Variants in MAGI3 observed in about 807,000 individuals in gnomAD.
MAGI3 encodes the protein membrane associated guanylate kinase, WW and PDZ domain containing 3.
Under a neutral mutation model 121.8 loss-of-function variants are expected in MAGI3, and 43 were observed. The ratio of observed to expected loss-of-function variants is 0.35; its 90% CI spans 0.28 to 0.46. The LOEUF (loss-of-function observed/expected upper bound fraction) is 0.46. Among genes scored for constraint, MAGI3 ranks in the 20% least tolerant of loss-of-function variants. The pLI is 1.00. For missense variants in MAGI3, 1,547 were observed against 1,797.3 expected (o/e 0.86, Z 2.52); for synonymous variants, 553 against 639.3 (o/e 0.86, Z 2.04).
intron 13 of MAGI3, 94 bp downstream of exon 13, chr1:113,649,422 T>C: frequency 1.4e-6 from 1 of 721,462 alleles, no homozygotes; most frequent in South Asian, 2.3e-5. Context: ...TTTTTTTTTC[T>C]CTGACAGTTT....
chr1:113,515,880 A>C lies in MAGI3; in HGVS notation c.317-33635A>C, dbSNP rs933003590. On this transcript the variant is annotated intron_variant, in intron 1 of 20. Transcript: ENST00000307546. ...TCATTCCACAGAGGTAGGCATGTGC[A>C]GGTTGTTGAATTGTACTATTATAGA... is the stretch of plus-strand genomic sequence containing the variant. Among the ~76,000 whole-genome samples, 12 of 152,090 alleles carry C rather than the reference A, an allele frequency of 7.9e-5. 1 individual carries two copies. The highest frequency in any genetic ancestry group is 1.5e-4 in the Non-Finnish European group (10 of 67,966).
intron 1 of MAGI3, among the ~76,000 whole-genome samples, chr1:113,405,690 A>G (rs1036306256): frequency 6.6e-6 from 1 of 152,050 alleles, no homozygotes; most frequent in Admixed American, 6.6e-5. Flanking sequence ...TGCAGACTGT[A>G]GATCTGGACT....
At chr1:113,639,319 T>C (rs374671352) in intron 9 of MAGI3, among the ~76,000 whole-genome samples, 10 of 152,376 alleles carry the variant, frequency 6.6e-5, no homozygotes, top group East Asian at 5.8e-4. Context: ...TCACCCATCT[T>C]CTGCGTCGCT....
intron 1 of MAGI3, among the ~76,000 whole-genome samples, chr1:113,437,889 T>TC (rs1557757258): frequency 0.011 from 41 of 3,658 alleles, no homozygotes; most frequent in Non-Finnish European, 0.025. Context: ...TCCTTCTCCT[T>TC]CTCCTTCTCC....
chr1:113,525,114 G>C (rs1658391869), intron 1 of MAGI3, among the ~76,000 whole-genome samples: 1 of 152,188 alleles, frequency 6.6e-6, no homozygotes, highest in Non-Finnish European at 1.5e-5. Flanking sequence ...GTGGAACTGT[G>C]AGTCCATTAA....
At chr1:113,680,754 C>G (rs1258754516) in intron 19 of MAGI3, among the ~76,000 whole-genome samples, 2 of 152,046 alleles carry the variant, frequency 1.3e-5, no homozygotes, top group Non-Finnish European at 2.9e-5. Flanking sequence ...AAGACTCCGT[C>G]TCAAAAAGCA....
chr1:113,671,685 A>C (rs2101020701), intron 16 of MAGI3, 49 bp from the exon 17 acceptor site: 1 of 1,585,250 alleles, frequency 6.3e-7, no homozygotes, highest in South Asian at 1.1e-5. Context: ...CTTGGCCTTC[A>C]CATTTTTATG....
At chr1:113,654,462 T>C (rs916353614) in intron 15 of MAGI3, among the ~76,000 whole-genome samples, 3 of 152,210 alleles carry the variant, frequency 2.0e-5, no homozygotes, top group Non-Finnish European at 4.4e-5. Flanking sequence ...ATATTTTATG[T>C]TATTATTTAA....
At chr1:113,682,125 A>T in intron 20 of MAGI3, 2 of 1,444,984 alleles carry the variant, frequency 1.4e-6, no homozygotes, top group East Asian at 2.3e-5. Flanking sequence ...CTTGTAAATC[A>T]TATGTTCCCA....
At chr1:113,678,663 A>G (rs1303261949) in intron 19 of MAGI3, among the ~76,000 whole-genome samples, 2 of 152,188 alleles carry the variant, frequency 1.3e-5, no homozygotes, top group Admixed American at 6.5e-5. Flanking sequence ...TTGAAAACTA[A>G]TATTTGCACT....
rs1182041180 is a variant in MAGI3 at position 113,619,582 on chromosome 1, C to T, written c.1077-154C>T. Among the ~76,000 whole-genome samples the T allele has an allele frequency of 2.6e-5, 4 of 152,222 alleles. No individual in the cohort carries two copies. In the East Asian group the frequency reaches 7.7e-4, roughly 29 times the overall value. On this transcript the variant is annotated intron_variant, in intron 7 of 20. Transcript: ENST00000307546. ...GGACTTTATTTAGCAGCAGAAAGCC[C>T]CTCTGCTATCATCTATCAGTCTCTC...
intron 1 of MAGI3, among the ~76,000 whole-genome samples, chr1:113,495,285 T>A (rs1044921129): frequency 6.6e-6 from 1 of 152,104 alleles, no homozygotes; most frequent in South Asian, 2.1e-4. Flanking sequence ...TATACTGTTA[T>A]ATAATTCAGG....
chr1:113,445,470 G>A (rs1169013992), intron 1 of MAGI3, among the ~76,000 whole-genome samples: 3 of 152,114 alleles, frequency 2.0e-5, no homozygotes, highest in Non-Finnish European at 2.9e-5. Context: ...TGAGTCAGGT[G>A]TGTTGGCATG....
intron 1 of MAGI3, among the ~76,000 whole-genome samples, chr1:113,520,963 C>T (rs1411163013): frequency 6.6e-6 from 1 of 151,986 alleles, no homozygotes; most frequent in African/African-American, 2.4e-5. Context: ...AGAGGGCATG[C>T]TTAATTATAA....
At chr1:113,605,880 G>C (rs982484420) in intron 6 of MAGI3, among the ~76,000 whole-genome samples, 1 of 152,130 alleles carries the variant, frequency 6.6e-6, no homozygotes, top group African/African-American at 2.4e-5. Flanking sequence ...TTACAGGTGT[G>C]AGCCACTGCA....
chr1:113,472,501 T>C (rs1655589362), intron 1 of MAGI3, among the ~76,000 whole-genome samples: 1 of 152,210 alleles, frequency 6.6e-6, no homozygotes, highest in African/African-American at 2.4e-5. Flanking sequence ...TAATTGTTGA[T>C]AGGTAAGTAC....
intron 1 of MAGI3, among the ~76,000 whole-genome samples, chr1:113,518,942 A>G (rs1335055162): frequency 4.6e-5 from 7 of 152,160 alleles, no homozygotes; most frequent in Admixed American, 4.6e-4. Context: ...TTGGATATAT[A>G]TTGTCTCCAA....
chr1:113,611,503 T>G (rs1453581545), intron 6 of MAGI3, among the ~76,000 whole-genome samples: 1 of 152,166 alleles, frequency 6.6e-6, no homozygotes, highest in Non-Finnish European at 1.5e-5. Flanking sequence ...ATCCTCATGG[T>G]AGTCATTAAG....
intron 6 of MAGI3, among the ~76,000 whole-genome samples, chr1:113,603,812 G>C (rs1293589800): frequency 2.6e-5 from 4 of 151,946 alleles, no homozygotes; most frequent in African/African-American, 9.7e-5. Flanking sequence ...ACCAAATAAT[G>C]CCACCAAAAG....
Sources: gnomAD v4.1 joint callset for allele counts (sites outside exome capture counted in the v4.1 genomes callset) on GRCh38, gnomAD v4.1.1 for gene constraint, MANE v1.5 for transcripts, NCBI Gene and HGNC (gene_info 2026-07-23, HGNC 2026-07-21) for gene names.